Variants in SPPL3 observed in about 807,000 individuals in gnomAD.
SPPL3 encodes the protein signal peptide peptidase-like 3.
A neutral mutation model predicts 42.4 loss-of-function variants in SPPL3; 5 were observed. The ratio of observed to expected loss-of-function variants is 0.12; its 90% CI spans 0.06 to 0.25. SPPL3 has a LOEUF of 0.25. Among genes scored for constraint, SPPL3 ranks in the 10% least tolerant of loss-of-function variants. SPPL3 has a pLI of 1.00. For missense variants in SPPL3, 235 were observed against 489.0 expected (o/e 0.48, Z 4.90); for synonymous variants, 195 against 181.8 (o/e 1.07, Z -0.58).
chr12:120,890,024 T>C (rs1411257513), intron 1 of SPPL3, among the ~76,000 whole-genome samples: 1 of 151,656 alleles, frequency 6.6e-6, no homozygotes, highest in Admixed American at 6.6e-5. Context: ...CGTGGGTGGA[T>C]CACCTGAGGT....
At chr12:120,897,671 C>T (rs372692001) in intron 1 of SPPL3, among the ~76,000 whole-genome samples, 6 of 152,058 alleles carry the variant, frequency 3.9e-5, no homozygotes, top group Non-Finnish European at 8.8e-5. Flanking sequence ...TGCAGTGAGC[C>T]GAGATCGCAC....
rs143428758 is a variant in SPPL3 at position 120,850,762 on chromosome 12, C to T, written c.24-39876G>A. 3.4e-3 allele frequency among the ~76,000 whole-genome samples: 513 copies of T among 152,324 alleles called. 3 individuals are homozygous for T. Among genetic ancestry groups the T allele is most frequent in the African/African-American group, 0.012 (497 of 41,580 alleles). On this transcript the variant is annotated intron_variant, in intron 1 of 10. Transcript: ENST00000353487. ...TTATAGGGCTGGTTCCCTGTGAGGG[C>T]TCTGAGGGAAGAATGTGTCCTTGCC...
intron 1 of SPPL3, among the ~76,000 whole-genome samples, chr12:120,827,057 T>A (rs943189763): frequency 6.6e-6 from 1 of 152,106 alleles, no homozygotes; most frequent in African/African-American, 2.4e-5. Context: ...CAGAGGAAAC[T>A]TGACTTAGCA....
At chr12:120,779,148 T>G (rs761768619) in intron 6 of SPPL3, among the ~76,000 whole-genome samples, 1 of 152,166 alleles carries the variant, frequency 6.6e-6, no homozygotes, top group Non-Finnish European at 1.5e-5. Context: ...AAACTTAAGA[T>G]CAGTCATACA....
intron 1 of SPPL3, among the ~76,000 whole-genome samples, chr12:120,858,070 G>C (rs192373175): frequency 4.6e-5 from 7 of 152,258 alleles, no homozygotes; most frequent in Admixed American, 4.6e-4. Context: ...AAGAGAGAAA[G>C]GGAGGCAGAG....
At chr12:120,799,167 T>C (rs1430936761) in intron 2 of SPPL3, among the ~76,000 whole-genome samples, 1 of 152,192 alleles carries the variant, frequency 6.6e-6, no homozygotes, top group African/African-American at 2.4e-5. Context: ...TCTAACCTAC[T>C]GAACATCATA....
chr12:120,881,115 C>T lies in SPPL3; in HGVS notation c.23+22730G>A, dbSNP rs145044968. Among the ~76,000 whole-genome samples, 67 of 151,956 alleles carry T rather than the reference C, an allele frequency of 4.4e-4. 1 individual carries two copies. The highest frequency in any genetic ancestry group is 1.4e-3 in the African/African-American group (58 of 41,374). ...GAAAAACTGAAACCCTTATACATTG[C>T]TGGTGGGAATGTAAAATTTGGCAGT... On this transcript the variant is annotated intron_variant, in intron 1 of 10. Coordinates refer to ENST00000353487, the MANE Select transcript of SPPL3 (RefSeq NM_139015.5).
chr12:120,816,007 T>C (rs983177386), intron 1 of SPPL3, among the ~76,000 whole-genome samples: 2 of 152,066 alleles, frequency 1.3e-5, no homozygotes, highest in African/African-American at 4.8e-5. Context: ...CAGGATTACA[T>C]GCGTAAGCCA....
chr12:120,870,240 G>GT (rs1476829625), intron 1 of SPPL3, among the ~76,000 whole-genome samples: 5 of 152,178 alleles, frequency 3.3e-5, no homozygotes, highest in Non-Finnish European at 7.4e-5. Flanking sequence ...GAGGTCAGGA[G>GT]TTTGAGACCA....
chr12:120,863,334 C>A (rs1052465229), intron 1 of SPPL3, among the ~76,000 whole-genome samples: 1 of 149,648 alleles, frequency 6.7e-6, no homozygotes, highest in Non-Finnish European at 1.5e-5. Flanking sequence ...GGTGACAGAG[C>A]GAGACTCCAT....
At chr12:120,808,484 A>T (rs907113270) in intron 2 of SPPL3, among the ~76,000 whole-genome samples, 3 of 152,200 alleles carry the variant, frequency 2.0e-5, no homozygotes, top group Non-Finnish European at 4.4e-5. Context: ...GCTCAATCCT[A>T]AAATGATATA....
At chr12:120,774,906 A>C (rs1324781965) in intron 6 of SPPL3, among the ~76,000 whole-genome samples, 1 of 152,134 alleles carries the variant, frequency 6.6e-6, no homozygotes, top group Non-Finnish European at 1.5e-5. Flanking sequence ...TGTTGGGGGA[A>C]GTAAATGATT....
chr12:120,836,429 G>C (rs1192202082), intron 1 of SPPL3, among the ~76,000 whole-genome samples: 1 of 152,116 alleles, frequency 6.6e-6, no homozygotes, highest in Non-Finnish European at 1.5e-5. Flanking sequence ...GTGGGGAGGA[G>C]CACTTAGACA....
intron 10 of SPPL3, 56 bp downstream of exon 10, chr12:120,766,207 G>A: frequency 4.9e-6 from 7 of 1,437,422 alleles, no homozygotes; most frequent in South Asian, 1.3e-5. Context: ...AGTGCAAACC[G>A]AGGCACAGGC....
chr12:120,826,657 A>G (rs1592982153), intron 1 of SPPL3, among the ~76,000 whole-genome samples: 1 of 152,278 alleles, frequency 6.6e-6, no homozygotes, highest in East Asian at 1.9e-4. Context: ...TAGCAATAAG[A>G]AGAATATTTA....
chr12:120,874,489 AGTAAAT>A (rs977522253), intron 1 of SPPL3, among the ~76,000 whole-genome samples: 1 of 151,148 alleles, frequency 6.6e-6, no homozygotes, highest in Admixed American at 6.6e-5. Context: ...GAAATAAGTG[AGTAAAT>A]GTAAAAGACA....
In SPPL3 at chr12:120,810,740, A is replaced by G; in HGVS notation, c.101+69T>C. 7.3e-6 allele frequency: 9 copies of G among 1,241,362 alleles called. No individual in the cohort carries two copies. In the South Asian group the frequency reaches 1.1e-4, roughly 16 times the overall value. The allele number at this position is 1,241,362 out of a possible 1,614,324, so 76.9% of individuals were successfully genotyped here. On this transcript the variant is annotated intron_variant, in intron 2 of 10. Transcript: ENST00000353487. Reference sequence around the variant, plus strand: ...TCTTCACAGAGTAAGTTTTGGTACCAGCACTTTCAGAGCAATGCTTCCTTC... The same window carrying G: ...TCTTCACAGAGTAAGTTTTGGTACCGGCACTTTCAGAGCAATGCTTCCTTC...
chr12:120,903,194 G>A (rs932160605), intron 1 of SPPL3: 1 of 152,610 alleles, frequency 6.6e-6, no homozygotes, highest in Non-Finnish European at 1.5e-5. Context: ...TCCTTTTCCA[G>A]AAGGAAAAGG....
chr12:120,866,043 A>T (rs1872745576), intron 1 of SPPL3, among the ~76,000 whole-genome samples: 1 of 152,066 alleles, frequency 6.6e-6, no homozygotes, highest in Non-Finnish European at 1.5e-5. Context: ...TTCCCATCAC[A>T]CTCAGGTGGG....
Sources: gnomAD v4.1 joint callset for allele counts (sites outside exome capture counted in the v4.1 genomes callset) on GRCh38, gnomAD v4.1.1 for gene constraint, MANE v1.5 for transcripts, NCBI Gene and HGNC (gene_info 2026-07-23, HGNC 2026-07-21) for gene names.